The following KLHL1 variants were observed in gnomAD, a reference collection of about 807,000 sequenced individuals.
The protein encoded by KLHL1 is kelch like family member 1.
In KLHL1, 47 loss-of-function variants were observed where a neutral mutation model predicts 77.7. That is an observed-to-expected ratio of 0.60 (90% confidence interval 0.48 to 0.77). The LOEUF is 0.77. Ranked by LOEUF, KLHL1 falls within the 30% of genes least tolerant of loss-of-function variation. The pLI is 0.00. For missense variants in KLHL1, 925 were observed against 910.8 expected (o/e 1.02, Z -0.20); for synonymous variants, 360 against 325.2 (o/e 1.11, Z -1.15).
At chr13:70,022,902 A>T (rs2137354424) in intron 1 of KLHL1, among the ~76,000 whole-genome samples, 1 of 152,112 alleles carries the variant, frequency 6.6e-6, no homozygotes, top group South Asian at 2.1e-4. Context: ...CAAGAAAGAT[A>T]AAATTTACAC....
intron 8 of KLHL1, among the ~76,000 whole-genome samples, chr13:69,721,155 C>T (rs1285629195): frequency 8.1e-6 from 1 of 123,368 alleles, no homozygotes; most frequent in East Asian, 2.6e-4. Context: ...CATCCCTCTG[C>T]TCACGGAGAT....
intron 1 of KLHL1, among the ~76,000 whole-genome samples, chr13:70,026,130 A>G (rs1178351006): frequency 2.0e-5 from 3 of 152,132 alleles, no homozygotes; most frequent in Admixed American, 2.0e-4. Flanking sequence ...TCTGACCATA[A>G]CAAGATCAGC....
At chr13:69,864,928 G>A (rs561920184) in intron 5 of KLHL1, among the ~76,000 whole-genome samples, 37 of 152,140 alleles carry the variant, frequency 2.4e-4, no homozygotes, top group African/African-American at 8.2e-4. Flanking sequence ...TTAGGAAAGT[G>A]AATCTTGAGT....
chr13:69,837,601 T>A (rs963642085), intron 6 of KLHL1, among the ~76,000 whole-genome samples: 1 of 145,032 alleles, frequency 6.9e-6, no homozygotes, highest in African/African-American at 2.6e-5. Flanking sequence ...TATATACACA[T>A]ACATCTCTCT....
chr13:69,916,965 T>C lies in KLHL1; in HGVS notation c.1014+23075A>G, dbSNP rs149833945. ...TGCAGAAGAGTGTGTAGGCTATTTT[T>C]GAGTAAAGTATAAGAAAAAATATGA... On this transcript the variant is annotated intron_variant, in intron 4 of 10. Transcript: ENST00000377844. Among the ~76,000 whole-genome samples, 782 of 152,098 alleles carry C rather than the reference T, an allele frequency of 5.1e-3. 6 individuals carry two copies. Among genetic ancestry groups the C allele is most frequent in the African/African-American group, 0.017 (706 of 41,524 alleles).
At chr13:69,789,029 A>G (rs958068176) in intron 7 of KLHL1, among the ~76,000 whole-genome samples, 3 of 56,864 alleles carry the variant, frequency 5.3e-5, no homozygotes, top group Non-Finnish European at 1.1e-4. Flanking sequence ...CTATCTATCT[A>G]TCTATCTATC....
At chr13:69,815,546 A>T (rs77341804) in intron 6 of KLHL1, among the ~76,000 whole-genome samples, 14,489 of 152,164 alleles carry the variant, frequency 0.095, 950 homozygotes, top group East Asian at 0.24. Flanking sequence ...AACACTGGGG[A>T]TTCCAAAACT....
chr13:70,022,545 T>C (rs1885831975), intron 1 of KLHL1, among the ~76,000 whole-genome samples: 1 of 151,700 alleles, frequency 6.6e-6, no homozygotes, highest in African/African-American at 2.4e-5. Context: ...AGGAATATTA[T>C]GAAAAAATAT....
At chr13:69,797,974 C>A (rs962371404) in intron 6 of KLHL1, among the ~76,000 whole-genome samples, 13 of 152,032 alleles carry the variant, frequency 8.6e-5, no homozygotes, top group African/African-American at 3.1e-4. Flanking sequence ...AATGCAATAA[C>A]TCTGACTAAT....
chr13:70,030,537 G>C (rs1886072280), intron 1 of KLHL1, among the ~76,000 whole-genome samples: 1 of 152,140 alleles, frequency 6.6e-6, no homozygotes, highest in South Asian at 2.1e-4. Context: ...GATGTTCTTT[G>C]AAACCAATGA....
intron 1 of KLHL1, among the ~76,000 whole-genome samples, chr13:70,010,439 A>G (rs1885506245): frequency 6.6e-6 from 1 of 152,202 alleles, no homozygotes; most frequent in South Asian, 2.1e-4. Context: ...TTCTAAATAT[A>G]GAATATGACT....
intron 1 of KLHL1, among the ~76,000 whole-genome samples, chr13:70,019,322 T>G (rs748991155): frequency 6.6e-6 from 1 of 151,496 alleles, no homozygotes; most frequent in Non-Finnish European, 1.5e-5. Flanking sequence ...AAAAAGATAC[T>G]GAATGCGGGA....
intron 1 of KLHL1, among the ~76,000 whole-genome samples, chr13:70,091,951 C>T (rs1364367335): frequency 6.6e-6 from 1 of 152,238 alleles, no homozygotes; most frequent in East Asian, 1.9e-4. Context: ...TTCTGCCTGG[C>T]AGCAGGGTGT....
intron 7 of KLHL1, among the ~76,000 whole-genome samples, chr13:69,768,448 G>T (rs1387635747): frequency 1.3e-5 from 2 of 152,056 alleles, no homozygotes; most frequent in African/African-American, 2.4e-5. Context: ...AAGAATGAAA[G>T]AATTGACTAA....
intron 7 of KLHL1, among the ~76,000 whole-genome samples, chr13:69,763,866 A>C (rs1262931352): frequency 6.6e-6 from 1 of 152,228 alleles, no homozygotes; most frequent in African/African-American, 2.4e-5. Flanking sequence ...AAAACAGGAG[A>C]TTCCAGCATA....
intron 2 of KLHL1, among the ~76,000 whole-genome samples, chr13:69,972,031 A>C (rs1884395618): frequency 1.3e-5 from 2 of 151,984 alleles, no homozygotes; most frequent in South Asian, 4.1e-4. Context: ...GATATTTTAA[A>C]CTATCAAACT....
At chr13:70,006,528 G>T (rs372063337) in intron 1 of KLHL1, among the ~76,000 whole-genome samples, 4 of 136,664 alleles carry the variant, frequency 2.9e-5, no homozygotes, top group East Asian at 4.3e-4. Flanking sequence ...CAAAGAGTTT[G>T]AGAAGGATTT....
chr13:69,959,887 G>T (rs899354501), intron 3 of KLHL1, among the ~76,000 whole-genome samples: 3 of 151,782 alleles, frequency 2.0e-5, no homozygotes, highest in African/African-American at 7.3e-5. Flanking sequence ...TCTGACCTTG[G>T]CACTTAAAAA....
chr13:69,924,491 T>C (rs1238147040), intron 4 of KLHL1, among the ~76,000 whole-genome samples: 8 of 152,054 alleles, frequency 5.3e-5, no homozygotes, highest in Non-Finnish European at 1.5e-5. Context: ...AGCTGAACAC[T>C]CATTGGGACA....
Sources: gnomAD v4.1 joint callset for allele counts (sites outside exome capture counted in the v4.1 genomes callset) on GRCh38, gnomAD v4.1.1 for gene constraint, MANE v1.5 for transcripts, NCBI Gene and HGNC (gene_info 2026-07-23, HGNC 2026-07-21) for gene names.